ZNF385B: variants seen among roughly 807,000 people sequenced by gnomAD.
The protein encoded by ZNF385B is zinc finger protein 385B, also known as zinc finger protein 533.
In ZNF385B, 23 loss-of-function variants were observed where a neutral mutation model predicts 39.2. The observed-to-expected ratio is 0.59, with a 90% CI of 0.42 to 0.83. The LOEUF (loss-of-function observed/expected upper bound fraction) is 0.83. Ranked by LOEUF, ZNF385B falls within the 40% of genes least tolerant of loss-of-function variation. The pLI is 0.00. For synonymous variants in ZNF385B, 205 were observed against 222.6 expected (o/e 0.92, Z 0.70); for missense variants, 552 against 598.9 (o/e 0.92, Z 0.82).
At chr2:179,643,437 C>A (rs1201584377) in intron 3 of ZNF385B, among the ~76,000 whole-genome samples, 1 of 152,168 alleles carries the variant, frequency 6.6e-6, no homozygotes, top group African/African-American at 2.4e-5. Flanking sequence ...TTCACTGAGA[C>A]AGTTTCAGAT....
intron 3 of ZNF385B, among the ~76,000 whole-genome samples, chr2:179,721,358 T>C (rs539534810): frequency 2.0e-5 from 3 of 152,090 alleles, no homozygotes; most frequent in Non-Finnish European, 4.4e-5. Context: ...AAAACCCAAA[T>C]CATTTATGTA....
At chr2:179,775,607 A>T (rs937882482) in intron 1 of ZNF385B, among the ~76,000 whole-genome samples, 1 of 152,210 alleles carries the variant, frequency 6.6e-6, no homozygotes, top group African/African-American at 2.4e-5. Context: ...GGATTATTTG[A>T]CATCAATGGC....
At chr2:179,847,431 T>C (rs942110595) in intron 1 of ZNF385B, among the ~76,000 whole-genome samples, 1 of 152,208 alleles carries the variant, frequency 6.6e-6, no homozygotes, top group African/African-American at 2.4e-5. Context: ...CTATTCCTAC[T>C]TGTTTCACAC....
intron 3 of ZNF385B, among the ~76,000 whole-genome samples, chr2:179,598,148 A>C (rs977325845): frequency 6.6e-6 from 1 of 152,198 alleles, no homozygotes; most frequent in African/African-American, 2.4e-5. Context: ...AAACTAAAAA[A>C]TAATATTAGT....
At chr2:179,608,877 T>A (rs1231267997) in intron 3 of ZNF385B, among the ~76,000 whole-genome samples, 3 of 150,898 alleles carry the variant, frequency 2.0e-5, no homozygotes, top group Non-Finnish European at 3.0e-5. Flanking sequence ...TGTGTGTGTG[T>A]GTGTGTGTGT....
intron 3 of ZNF385B, among the ~76,000 whole-genome samples, chr2:179,616,658 C>G (rs1689769947): frequency 1.3e-5 from 2 of 152,122 alleles, no homozygotes; most frequent in African/African-American, 2.4e-5. Flanking sequence ...CTCCTGGGAT[C>G]AAACAATCTT....
chr2:179,475,328 G>A (rs2053291166), intron 6 of ZNF385B, among the ~76,000 whole-genome samples: 1 of 148,144 alleles, frequency 6.8e-6, no homozygotes, highest in African/African-American at 2.5e-5. Flanking sequence ...TCGGCTCACT[G>A]CAACCTCCAC....
intron 5 of ZNF385B, among the ~76,000 whole-genome samples, chr2:179,503,383 T>C (rs2056938263): frequency 6.6e-6 from 1 of 152,358 alleles, no homozygotes; most frequent in Middle Eastern, 3.4e-3. Context: ...CCCTAATTAA[T>C]GTAGTCCAAT....
chr2:179,575,061 C>T (rs1291398183), intron 3 of ZNF385B, among the ~76,000 whole-genome samples: 1 of 152,038 alleles, frequency 6.6e-6, no homozygotes, highest in Non-Finnish European at 1.5e-5. Context: ...GTCTGCTTGC[C>T]TCTCAGGGTA....
chr2:179,477,184 T>C (rs745509047), intron 6 of ZNF385B, among the ~76,000 whole-genome samples: 11 of 152,022 alleles, frequency 7.2e-5, no homozygotes, highest in Admixed American at 2.6e-4. Flanking sequence ...AACTATGAAG[T>C]ACACAGGGGA....
chr2:179,733,363 G>T (rs1303033074), intron 3 of ZNF385B, among the ~76,000 whole-genome samples: 1 of 152,144 alleles, frequency 6.6e-6, no homozygotes, highest in Non-Finnish European at 1.5e-5. Context: ...AACTCTACAA[G>T]CTTTTTCTGT....
chr2:179,802,932 T>C (rs772400643), intron 1 of ZNF385B, among the ~76,000 whole-genome samples: 6 of 152,128 alleles, frequency 3.9e-5, no homozygotes, highest in Admixed American at 1.3e-4. Flanking sequence ...CCTTAGAAAC[T>C]AACAGTAAAT....
At chr2:179,723,547 A>T (rs1468907349) in intron 3 of ZNF385B, among the ~76,000 whole-genome samples, 1 of 152,194 alleles carries the variant, frequency 6.6e-6, no homozygotes, top group African/African-American at 2.4e-5. Flanking sequence ...AAAAAGTATG[A>T]ATCTTAAAAA....
chr2:179,828,081 A>T (rs868667477), intron 1 of ZNF385B, among the ~76,000 whole-genome samples: 31 of 152,276 alleles, frequency 2.0e-4, no homozygotes, highest in Non-Finnish European at 3.8e-4. Context: ...ATATTTTATA[A>T]ATATATCATT....
chr2:179,510,071 C>T (rs945200265), intron 5 of ZNF385B, among the ~76,000 whole-genome samples: 5 of 152,150 alleles, frequency 3.3e-5, no homozygotes, highest in Non-Finnish European at 7.4e-5. Flanking sequence ...CATATACATA[C>T]ACTTTATATG....
intron 3 of ZNF385B, among the ~76,000 whole-genome samples, chr2:179,726,347 G>T (rs1422109785): frequency 6.6e-6 from 1 of 151,686 alleles, no homozygotes; most frequent in Non-Finnish European, 1.5e-5. Context: ...TCTATCATCG[G>T]CCCATTCCAA....
intron 5 of ZNF385B, among the ~76,000 whole-genome samples, chr2:179,515,008 C>T (rs1023354272): frequency 2.0e-5 from 3 of 152,104 alleles, no homozygotes; most frequent in African/African-American, 4.8e-5. Flanking sequence ...GAACTCCTGA[C>T]CTCAAGTGAT....
chr2:179,767,838 T>C (rs1703793483), intron 3 of ZNF385B, among the ~76,000 whole-genome samples: 1 of 151,558 alleles, frequency 6.6e-6, no homozygotes, highest in Non-Finnish European at 1.5e-5. Context: ...CCATAACAGA[T>C]GTAATTCAAA....
intron 3 of ZNF385B, among the ~76,000 whole-genome samples, chr2:179,617,294 C>T (rs1374985420): frequency 2.0e-5 from 3 of 152,066 alleles, no homozygotes. Context: ...CCTGATGCAC[C>T]CCAGCTGGGT....
Sources: allele counts gnomAD v4.1 joint callset (sites outside exome capture counted in the v4.1 genomes callset), GRCh38; gene constraint gnomAD v4.1.1; transcripts MANE v1.5; gene names NCBI Gene and HGNC (gene_info 2026-07-23, HGNC 2026-07-21).